Variants in ZNF385D observed in about 807,000 individuals in gnomAD.
ZNF385D encodes the protein zinc finger protein 385D.
Under a neutral mutation model 35.8 loss-of-function variants are expected in ZNF385D, and 15 were observed. The ratio of observed to expected loss-of-function variants is 0.42; its 90% CI spans 0.28 to 0.64. The LOEUF is 0.64. Ranked by LOEUF, ZNF385D falls within the 30% of genes least tolerant of loss-of-function variation. The pLI, the probability that ZNF385D is intolerant of heterozygous loss-of-function variation, is 0.23. For synonymous variants in ZNF385D, 212 were observed against 186.8 expected (o/e 1.13, Z -1.10); for missense variants, 474 against 494.6 (o/e 0.96, Z 0.39).
intron 2 of ZNF385D, among the ~76,000 whole-genome samples, chr3:22,221,545 A>G (rs2638138): frequency 0.39 from 59,526 of 152,096 alleles, 14,017 homozygotes; most frequent in East Asian, 0.72. Context: ...AATTTTGATA[A>G]AAGATGCCTT....
At chr3:22,163,481 A>G (rs78295905) in intron 3 of ZNF385D, among the ~76,000 whole-genome samples, 4,284 of 152,204 alleles carry the variant, frequency 0.028, 199 homozygotes, top group African/African-American at 0.097. Flanking sequence ...TGTAAAACAT[A>G]TTTTTCTCAG....
intron 2 of ZNF385D, among the ~76,000 whole-genome samples, chr3:22,184,763 T>A (rs1401512927): frequency 2.0e-5 from 3 of 151,714 alleles, no homozygotes; most frequent in Non-Finnish European, 4.4e-5. Context: ...GAGGAGGAGG[T>A]TGCACTCCAG....
chr3:21,475,661 C>T (rs1704190587), intron 4 of ZNF385D, among the ~76,000 whole-genome samples: 1 of 152,090 alleles, frequency 6.6e-6, no homozygotes, highest in Admixed American at 6.6e-5. Context: ...GAGCTCCATT[C>T]TGCTCAAAGT....
chr3:22,175,375 T>G (rs1395132527), intron 2 of ZNF385D, among the ~76,000 whole-genome samples: 2 of 151,990 alleles, frequency 1.3e-5, no homozygotes, highest in Non-Finnish European at 2.9e-5. Flanking sequence ...TACTGCTTAC[T>G]TGGAATATAA....
intron 2 of ZNF385D, among the ~76,000 whole-genome samples, chr3:21,643,006 G>A (rs13062841): frequency 0.074 from 11,192 of 151,912 alleles, 509 homozygotes; most frequent in East Asian, 0.16. Flanking sequence ...GACAGATGGC[G>A]GTGACGAATG....
intron 3 of ZNF385D, among the ~76,000 whole-genome samples, chr3:21,837,254 T>C (rs1324687405): frequency 6.6e-6 from 1 of 152,124 alleles, no homozygotes; most frequent in African/African-American, 2.4e-5. Context: ...TCAGTCCATG[T>C]ATAAAAACCA....
At chr3:21,759,787 TAA>T (rs2070518131) in intron 3 of ZNF385D, among the ~76,000 whole-genome samples, 1 of 152,148 alleles carries the variant, frequency 6.6e-6, no homozygotes, top group South Asian at 2.1e-4. Context: ...ATTTTGCCTT[TAA>T]AAAAAGAGAT....
intron 2 of ZNF385D, among the ~76,000 whole-genome samples, chr3:22,201,311 T>G (rs1025455537): frequency 6.6e-6 from 1 of 152,012 alleles, no homozygotes; most frequent in Non-Finnish European, 1.5e-5. Context: ...CAAAGTCAAC[T>G]GAGAGAAAAT....
intron 3 of ZNF385D, among the ~76,000 whole-genome samples, chr3:21,554,599 TTC>T (rs1472631881): frequency 1.3e-5 from 2 of 152,164 alleles, no homozygotes; most frequent in East Asian, 3.9e-4. Context: ...AGACATTGAC[TTC>T]TCTCTCTAGC....
At chr3:22,361,737 T>A (rs1462951307) in intron 2 of ZNF385D, among the ~76,000 whole-genome samples, 1 of 151,968 alleles carries the variant, frequency 6.6e-6, no homozygotes, top group Non-Finnish European at 1.5e-5. Flanking sequence ...AGGCTTTGAG[T>A]CAAAAATAGT....
At chr3:22,322,388 C>G (rs1366234971) in intron 2 of ZNF385D, among the ~76,000 whole-genome samples, 2 of 151,726 alleles carry the variant, frequency 1.3e-5, no homozygotes, top group Non-Finnish European at 2.9e-5. Context: ...AATATTTTTC[C>G]TTCTGACCTC....
intron 3 of ZNF385D, chr3:22,134,108 T>C (rs983705418): frequency 1.3e-5 from 2 of 152,014 alleles, no homozygotes; most frequent in African/African-American, 4.8e-5. Flanking sequence ...ACAATATAAA[T>C]TGCCTAAATA....
At chr3:21,927,697 C>T (rs913382669) in intron 3 of ZNF385D, among the ~76,000 whole-genome samples, 4 of 152,122 alleles carry the variant, frequency 2.6e-5, no homozygotes, top group African/African-American at 7.2e-5. Flanking sequence ...ATTCTGATAT[C>T]AGACAAAATA....
chr3:22,293,428 T>C (rs1702405740), intron 2 of ZNF385D, among the ~76,000 whole-genome samples: 1 of 152,114 alleles, frequency 6.6e-6, no homozygotes, highest in African/African-American at 2.4e-5. Flanking sequence ...ATTCTCTTTC[T>C]AGCTACTAAA....
At chr3:22,034,103 G>T (rs942055552) in intron 3 of ZNF385D, among the ~76,000 whole-genome samples, 2 of 152,120 alleles carry the variant, frequency 1.3e-5, no homozygotes, top group African/African-American at 4.8e-5. Flanking sequence ...CCCTGCTGTG[G>T]ACTGAATGTT....
chr3:21,899,004 A>G (rs1052564295), intron 3 of ZNF385D, among the ~76,000 whole-genome samples: 3 of 152,150 alleles, frequency 2.0e-5, no homozygotes, highest in African/African-American at 7.2e-5. Context: ...AGATTATAAT[A>G]TTCACATTAG....
intron 2 of ZNF385D, among the ~76,000 whole-genome samples, chr3:22,313,972 A>G (rs1322076915): frequency 1.3e-5 from 2 of 152,218 alleles, no homozygotes; most frequent in Admixed American, 1.3e-4. Context: ...AGCTCTGCAT[A>G]AGTTCTGATC....
chr3:21,522,388 A>T (rs1707962946), intron 3 of ZNF385D, among the ~76,000 whole-genome samples: 1 of 152,138 alleles, frequency 6.6e-6, no homozygotes, highest in Admixed American at 6.5e-5. Flanking sequence ...CCCAGGCTAG[A>T]GTGCAATGGC....
chr3:21,975,842 G>C (rs1240434052), intron 3 of ZNF385D, among the ~76,000 whole-genome samples: 1 of 150,992 alleles, frequency 6.6e-6, no homozygotes, highest in Non-Finnish European at 1.5e-5. Flanking sequence ...AGTGAGATTG[G>C]CAATCAATAC....
Sources: gnomAD v4.1 joint callset for allele counts (sites outside exome capture counted in the v4.1 genomes callset) on GRCh38, gnomAD v4.1.1 for gene constraint, MANE v1.5 for transcripts, NCBI Gene and HGNC (gene_info 2026-07-23, HGNC 2026-07-21) for gene names.